Variants in TTI1 observed in about 807,000 individuals in gnomAD.
The protein encoded by TTI1 is TELO2 interacting protein 1.
Under a neutral mutation model 85.4 loss-of-function variants are expected in TTI1, and 52 were observed. That is an observed-to-expected ratio of 0.61 (90% CI 0.49 to 0.77). The LOEUF (loss-of-function observed/expected upper bound fraction) is 0.77. TTI1 is among the 30% of genes least tolerant of loss of function. TTI1 has a pLI of 0.00. For synonymous variants in TTI1, 512 were observed against 503.9 expected (o/e 1.02, Z -0.22); for missense variants, 1,173 against 1,296.0 (o/e 0.91, Z 1.46).
chr20:38,002,310 T>C (rs1440209423), intron 4 of TTI1, among the ~76,000 whole-genome samples: 1 of 152,200 alleles, frequency 6.6e-6, no homozygotes, highest in Non-Finnish European at 1.5e-5. Flanking sequence ...ATTAAAGTAT[T>C]AAAACCTGCA....
intron 1 of TTI1, among the ~76,000 whole-genome samples, chr20:38,021,725 T>C (rs1233395419): frequency 6.6e-6 from 1 of 152,206 alleles, no homozygotes; most frequent in Non-Finnish European, 1.5e-5. Flanking sequence ...AGATCTGTGA[T>C]TGGACAGCAT....
At chr20:38,000,980 T>G (rs181900250) in intron 4 of TTI1, among the ~76,000 whole-genome samples, 1 of 152,252 alleles carries the variant, frequency 6.6e-6, no homozygotes, top group Non-Finnish European at 1.5e-5. Context: ...ACCGAGTAGG[T>G]ACCCAACACG....
At chr20:38,020,319 A>ATATATATATATATATATATATAT (rs1555795761) in intron 1 of TTI1, among the ~76,000 whole-genome samples, 4 of 44,156 alleles carry the variant, frequency 9.1e-5, no homozygotes, top group Admixed American at 3.8e-4. Context: ...TGAAAAAAAA[A>ATATATATATATATATATATATAT]AAAAATATAT....
At chr20:37,984,240 C>A (rs1329187284) in intron 7 of TTI1, among the ~76,000 whole-genome samples, 2 of 152,328 alleles carry the variant, frequency 1.3e-5, no homozygotes, top group Non-Finnish European at 2.9e-5. Context: ...ACAGAATATG[C>A]CGCCTTTGGC....
Position 37,999,253 on chromosome 20 carries a change from C to A in TTI1, c.2728G>T (p.Ala910Ser). 6.5e-7 allele frequency: 1 copy of A among 1,531,438 alleles called. No individual in the cohort carries two copies. The highest frequency in any genetic ancestry group is 8.8e-7 in the Non-Finnish European group (1 of 1,136,584). The allele number at this position is 1,531,438 out of a possible 1,614,324, so 94.9% of individuals were successfully genotyped here. Residue 910 changes from alanine to serine, a missense_variant, in exon 5 of 8, where the codon GCC becomes TCC. Coordinates refer to ENST00000373447, the MANE Select transcript of TTI1 (RefSeq NM_001303457.2). ...AGTCGGTGAACGAGCGAGGGCCAGG[C>A]CTGATGAGCCAAGGGAAGCAGCTGG... ...KNQLLPLAHQ[A>S]WPSLVHRLTR...
intron 1 of TTI1, among the ~76,000 whole-genome samples, chr20:38,020,960 A>AAT (rs1305362021): frequency 6.6e-6 from 1 of 152,200 alleles, no homozygotes; most frequent in Non-Finnish European, 1.5e-5. Context: ...TTCAAAGGTG[A>AAT]ATATATATAT....
chr20:38,006,233 C>CCACA lies in TTI1; in HGVS notation c.2463_2466dup (p.Ala823CysfsTer10), dbSNP rs753218435. 1.2e-6 allele frequency: 2 copies of CCACA among 1,614,184 alleles called. No homozygotes were observed. The highest frequency in any genetic ancestry group is 2.2e-5 in the South Asian group (2 of 91,082). Reference sequence around the variant, plus strand: ...TCAAAATCCGAGACATTTCCATCTGCCACATCCTTCTCTTTGAGGTAGTTC... The same window carrying CCACA: ...TCAAAATCCGAGACATTTCCATCTGCCACACACATCCTTCTCTTTGAGGTAGTTC... On this transcript the variant is annotated frameshift_variant, in exon 3 of 8. Transcript: ENST00000373447. LOFTEE classifies it high-confidence loss of function.
intron 3 of TTI1, 33 bp from the exon 4 acceptor site, chr20:38,002,809 T>C: frequency 1.2e-6 from 2 of 1,606,188 alleles, no homozygotes; most frequent in Non-Finnish European, 1.7e-6. Flanking sequence ...GGCAGTGTTG[T>C]ATGAGTGATA....
intron 1 of TTI1, among the ~76,000 whole-genome samples, chr20:38,032,285 G>A (rs532696316): frequency 1.1e-3 from 160 of 152,316 alleles, no homozygotes; most frequent in Non-Finnish European, 2.0e-3. Context: ...CTCTCACTGC[G>A]TTAGCTATGA....
At chr20:37,989,804 A>T (rs1455097944) in intron 7 of TTI1, among the ~76,000 whole-genome samples, 2 of 152,198 alleles carry the variant, frequency 1.3e-5, no homozygotes, top group African/African-American at 4.8e-5. Context: ...TTTTCCTGTA[A>T]CCTGTGCTCT....
At chr20:38,006,512 T>C in intron 2 of TTI1, 115 bp from the exon 3 acceptor site, 3 of 1,155,714 alleles carry the variant, frequency 2.6e-6, no homozygotes, top group Non-Finnish European at 3.7e-6. Flanking sequence ...ATTCAGTCCC[T>C]GCCTGGCTCC....
intron 7 of TTI1, among the ~76,000 whole-genome samples, chr20:37,993,101 G>C (rs1255996465): frequency 6.7e-6 from 1 of 149,966 alleles, no homozygotes; most frequent in East Asian, 1.9e-4. Flanking sequence ...GAGGGACTTT[G>C]GGGGAGCTGG....
At chr20:38,017,302 T>C (rs1047526621) in intron 1 of TTI1, among the ~76,000 whole-genome samples, 3 of 151,874 alleles carry the variant, frequency 2.0e-5, no homozygotes, top group African/African-American at 4.8e-5. Context: ...GCCAAATAAA[T>C]TACAAAAATC....
chr20:37,990,266 T>C (rs747600488), intron 7 of TTI1, among the ~76,000 whole-genome samples: 1 of 152,256 alleles, frequency 6.6e-6, no homozygotes, highest in Non-Finnish European at 1.5e-5. Context: ...ATTTTCGGAA[T>C]AAGAAGAAAT....
chr20:37,994,816 C>T (rs964620205), intron 7 of TTI1, among the ~76,000 whole-genome samples: 1 of 151,928 alleles, frequency 6.6e-6, no homozygotes, highest in Admixed American at 6.6e-5. Context: ...AACACCAGCT[C>T]AAGATTCAGC....
chr20:38,004,895 A>C (rs2073474181), intron 3 of TTI1, among the ~76,000 whole-genome samples: 1 of 152,226 alleles, frequency 6.6e-6, no homozygotes, highest in Non-Finnish European at 1.5e-5. Context: ...TGAAGGGTGC[A>C]GTTCACAAAA....
chr20:38,020,979 A>C (rs2073763801), intron 1 of TTI1, among the ~76,000 whole-genome samples: 2 of 152,254 alleles, frequency 1.3e-5, no homozygotes, highest in Non-Finnish European at 2.9e-5. Context: ...ATGCTCTATG[A>C]TCTAGCAATT....
intron 1 of TTI1, among the ~76,000 whole-genome samples, chr20:38,025,958 A>T (rs767138420): frequency 6.6e-6 from 1 of 152,240 alleles, no homozygotes; most frequent in Non-Finnish European, 1.5e-5. Flanking sequence ...TGTGGGACCA[A>T]GAGGGCAGGC....
intron 1 of TTI1, among the ~76,000 whole-genome samples, chr20:38,016,292 C>T (rs2073680960): frequency 6.6e-6 from 1 of 152,130 alleles, no homozygotes; most frequent in Non-Finnish European, 1.5e-5. Context: ...TCTTCAAATA[C>T]AATGTTTAAG....
Sources: gnomAD v4.1 joint callset for allele counts (sites outside exome capture counted in the v4.1 genomes callset) on GRCh38, gnomAD v4.1.1 for gene constraint, MANE v1.5 for transcripts, NCBI Gene and HGNC (gene_info 2026-07-23, HGNC 2026-07-21) for gene names.